GALNT14: variants seen among roughly 807,000 people sequenced by gnomAD.
GALNT14 encodes polypeptide N-acetylgalactosaminyltransferase 14.
In GALNT14, 60 loss-of-function variants were observed where a neutral mutation model predicts 77.5. The ratio of observed to expected loss-of-function variants is 0.77; its 90% confidence interval spans 0.63 to 0.96. The LOEUF is 0.96. Ranked by LOEUF, GALNT14 falls within the 40% of genes least tolerant of loss-of-function variation. The probability of loss-of-function intolerance (pLI) is 0.00; values close to 1 mark genes in which losing one functional copy is unlikely to be tolerated. For missense variants in GALNT14, 710 were observed against 731.0 expected (o/e 0.97, Z 0.33); for synonymous variants, 280 against 281.7 (o/e 0.99, Z 0.06).
At chr2:30,908,522 A>T (rs1056713249), downstream of GALNT14, among the ~76,000 whole-genome samples, 1 of 146,638 alleles carries the variant, frequency 6.8e-6, no homozygotes, top group East Asian at 2.0e-4. Flanking sequence ...GACCTCTTCA[A>T]GGAGAACTAC....
intron 2 of GALNT14, among the ~76,000 whole-genome samples, chr2:30,971,908 G>C (rs2148355042): frequency 6.6e-6 from 1 of 152,312 alleles, no homozygotes; most frequent in East Asian, 1.9e-4. Context: ...GCCTATAACG[G>C]AGAGCGTGAT....
chr2:31,085,304 G>A (rs958572217), intron 1 of GALNT14, among the ~76,000 whole-genome samples: 9 of 152,182 alleles, frequency 5.9e-5, no homozygotes, highest in Admixed American at 2.0e-4. Context: ...CAGGGACATC[G>A]GGGTACCCCA....
Position 30,954,742 on chromosome 2 carries a change from A to C in GALNT14, c.654+876T>G, listed in dbSNP as rs368579911. Among the ~76,000 whole-genome samples, 5 of 152,378 alleles carry C rather than the reference A, an allele frequency of 3.3e-5. No individual in the cohort carries two copies. In the East Asian group the frequency reaches 9.6e-4, roughly 29 times the overall value. Reference sequence around the variant, plus strand: ...TGAAGAGTGAGCAGGAAATAACCACAGCACAGGGAAGATGCTGTTGAGGTA... The same window carrying C: ...TGAAGAGTGAGCAGGAAATAACCACCGCACAGGGAAGATGCTGTTGAGGTA... On this transcript the variant is annotated intron_variant, in intron 6 of 14. Transcript: ENST00000349752.
At chr2:30,912,560 G>A (rs1262807707) in intron 13 of GALNT14, among the ~76,000 whole-genome samples, 1 of 152,244 alleles carries the variant, frequency 6.6e-6, no homozygotes, top group African/African-American at 2.4e-5. Flanking sequence ...CCATGAAGGG[G>A]CCTGGGCCTG....
chr2:30,942,293 A>G lies in GALNT14; in HGVS notation c.839T>C (p.Ile280Thr). 1 of 1,613,478 alleles carries G rather than the reference A, an allele frequency of 6.2e-7. No homozygotes were observed. Among genetic ancestry groups the G allele is most frequent in the Non-Finnish European group, 8.5e-7 (1 of 1,179,466 alleles). ...GTCGATCACGAAGAGCCCTCCAGCT[A>G]TGATAGGAGTCCTGTGCATTTGGAA... ...DPTEPIRTPI[I>T]AGGLFVIDKA... The change falls in exon 9 of 15, where the codon ATA (isoleucine) becomes ACA (threonine). Residue 280 changes from isoleucine (I) to threonine (T), a missense_variant. By Grantham distance (89) the Ile-to-Thr change is moderately conservative (BLOSUM62 -1). Coordinates refer to ENST00000349752, the MANE Select transcript of GALNT14 (RefSeq NM_024572.4).
chr2:30,920,724 C>T (rs373016411), intron 13 of GALNT14, among the ~76,000 whole-genome samples: 11 of 152,098 alleles, frequency 7.2e-5, no homozygotes, highest in Admixed American at 1.3e-4. Flanking sequence ...TTCTTTCAGT[C>T]CCATGTGGGT....
chr2:30,931,842 G>C (rs6749465), intron 10 of GALNT14, among the ~76,000 whole-genome samples: 1 of 151,946 alleles, frequency 6.6e-6, no homozygotes, highest in Non-Finnish European at 1.5e-5. Context: ...GGGGCCTTCC[G>C]AAGCCTCAGA....
chr2:31,134,335 G>A (rs1233459200), intron 1 of GALNT14, among the ~76,000 whole-genome samples: 2 of 152,220 alleles, frequency 1.3e-5, no homozygotes, highest in African/African-American at 4.8e-5. Flanking sequence ...CTGGGAAGAT[G>A]CCTAGAGGCC....
At chr2:30,913,501 T>C (rs1383426919) in intron 13 of GALNT14, among the ~76,000 whole-genome samples, 1 of 152,150 alleles carries the variant, frequency 6.6e-6, no homozygotes, top group Non-Finnish European at 1.5e-5. Context: ...TCCCTCCTGG[T>C]CCCTGGTCCT....
intron 1 of GALNT14, among the ~76,000 whole-genome samples, chr2:31,069,692 A>G (rs1675220990): frequency 6.6e-6 from 1 of 152,196 alleles, no homozygotes. Flanking sequence ...AGCTTCCTGG[A>G]GGCTTGACAC....
intron 1 of GALNT14, among the ~76,000 whole-genome samples, chr2:31,073,900 G>GAGGA (rs1675587692): frequency 1.3e-5 from 2 of 152,206 alleles, no homozygotes; most frequent in Admixed American, 1.3e-4. Flanking sequence ...GTGCTAAGGG[G>GAGGA]AGGAACAGAA....
chr2:31,022,687 CAGGTA>C (rs1158435917), intron 1 of GALNT14, among the ~76,000 whole-genome samples: 6 of 152,134 alleles, frequency 3.9e-5, no homozygotes, highest in Non-Finnish European at 8.8e-5. Context: ...CAAACAAGGC[CAGGTA>C]AGGATCATTG....
intron 1 of GALNT14, among the ~76,000 whole-genome samples, chr2:31,087,734 T>G (rs116471405): frequency 1.3e-5 from 2 of 152,186 alleles, no homozygotes; most frequent in Admixed American, 6.5e-5. Flanking sequence ...AAGATTCAGA[T>G]GAAAGCACAT....
chr2:31,003,781 C>T (rs1206054588), intron 1 of GALNT14, among the ~76,000 whole-genome samples: 2 of 152,174 alleles, frequency 1.3e-5, no homozygotes, highest in Non-Finnish European at 2.9e-5. Context: ...GACAGAAGCC[C>T]GGTTTTTGTT....
chr2:30,895,049 A>T, the GALNT14 span, among the ~76,000 whole-genome samples: 2 of 152,234 alleles, frequency 1.3e-5, no homozygotes, highest in Non-Finnish European at 2.9e-5. Flanking sequence ...GTTAGAATGC[A>T]CTATAGCCTC....
intron 1 of GALNT14, among the ~76,000 whole-genome samples, chr2:31,110,142 C>T (rs1677763346): frequency 6.6e-6 from 1 of 152,148 alleles, no homozygotes; most frequent in South Asian, 2.1e-4. Flanking sequence ...TTCTATACTG[C>T]CTTTCTTTGA....
chr2:31,121,786 C>T (rs777848173), intron 1 of GALNT14, among the ~76,000 whole-genome samples: 24 of 152,060 alleles, frequency 1.6e-4, no homozygotes, highest in African/African-American at 5.1e-4. Context: ...CATAACATGG[C>T]GTAGAGGTGC....
chr2:31,112,162 T>G (rs1677871668), intron 1 of GALNT14, among the ~76,000 whole-genome samples: 1 of 152,090 alleles, frequency 6.6e-6, no homozygotes, highest in African/African-American at 2.4e-5. Context: ...AGAAGTGTCT[T>G]CCAAAATGCC....
chr2:31,000,825 C>T (rs1174744603), intron 1 of GALNT14, among the ~76,000 whole-genome samples: 1 of 152,106 alleles, frequency 6.6e-6, no homozygotes, highest in Non-Finnish European at 1.5e-5. Context: ...TGTGGTTTGG[C>T]CACATTGACA....
Sources: allele counts gnomAD v4.1 joint callset (sites outside exome capture counted in the v4.1 genomes callset), GRCh38; gene constraint gnomAD v4.1.1; transcripts MANE v1.5; gene names NCBI Gene and HGNC (gene_info 2026-07-23, HGNC 2026-07-21).